Variants in FTO observed in about 807,000 individuals in gnomAD.
FTO encodes the protein FTO alpha-ketoglutarate dependent dioxygenase, also known as alpha-ketoglutarate-dependent dioxygenase FTO.
In FTO, 47 loss-of-function variants were observed where a neutral mutation model predicts 63.9. The ratio of observed to expected loss-of-function variants is 0.74; its 90% CI spans 0.58 to 0.94. The LOEUF is 0.94. Ranked by LOEUF, FTO falls within the 40% of genes least tolerant of loss-of-function variation. The pLI is 0.00. For missense variants in FTO, 562 were observed against 618.1 expected (o/e 0.91, Z 0.96); for synonymous variants, 207 against 224.4 (o/e 0.92, Z 0.69).
chr16:53,979,535 C>CTGTGTGTG (rs57334871), intron 8 of FTO: 20 of 373,254 alleles, frequency 5.4e-5, no homozygotes, highest in Non-Finnish European at 7.5e-5. Flanking sequence ...ATGTTTATGG[C>CTGTGTGTG]TGTGTGTGTG....
At chr16:53,880,735 C>G (rs1294479855) in intron 6 of FTO, among the ~76,000 whole-genome samples, 1 of 152,008 alleles carries the variant, frequency 6.6e-6, no homozygotes, top group African/African-American at 2.4e-5. Flanking sequence ...AGCAGAGCTT[C>G]GTGATCTCTC....
At chr16:54,064,698 C>T (rs561872275) in intron 8 of FTO, among the ~76,000 whole-genome samples, 116 of 152,118 alleles carry the variant, frequency 7.6e-4, no homozygotes, top group Non-Finnish European at 1.4e-3. Context: ...CCACAGCATT[C>T]GATTTTTATT....
At chr16:53,763,989 C>G (rs1294658533) in intron 1 of FTO, among the ~76,000 whole-genome samples, 3 of 152,158 alleles carry the variant, frequency 2.0e-5, no homozygotes, top group Admixed American at 6.5e-5. Context: ...GTCTTTGCCA[C>G]TTAGTTCTTT....
At chr16:53,919,342 C>T (rs2081955391) in intron 7 of FTO, among the ~76,000 whole-genome samples, 1 of 151,984 alleles carries the variant, frequency 6.6e-6, no homozygotes, top group South Asian at 2.1e-4. Context: ...TATCAGCTTA[C>T]CTGATATCAG....
chr16:53,939,323 A>G (rs563640814), intron 8 of FTO, among the ~76,000 whole-genome samples: 44 of 152,308 alleles, frequency 2.9e-4, no homozygotes, highest in African/African-American at 1.0e-3. Context: ...TTGAGAATCA[A>G]TTGTGCTTTT....
intron 1 of FTO, among the ~76,000 whole-genome samples, chr16:53,784,023 T>C (rs1384576641): frequency 6.6e-6 from 1 of 152,130 alleles, no homozygotes; most frequent in Non-Finnish European, 1.5e-5. Context: ...CCTTGGAAAC[T>C]GTATTGAAAA....
intron 8 of FTO, 112 bp from the exon 9 acceptor site, chr16:54,111,650 C>A (rs2086890358): frequency 4.5e-6 from 5 of 1,118,140 alleles, no homozygotes; most frequent in Non-Finnish European, 6.8e-6. Context: ...ATGACCTTCA[C>A]CCCCGAGGAC....
intron 8 of FTO, among the ~76,000 whole-genome samples, chr16:53,938,952 G>A (rs12930001): frequency 6.6e-6 from 1 of 151,312 alleles, no homozygotes; most frequent in African/African-American, 2.4e-5. Flanking sequence ...AAAAAAATTA[G>A]CCGGGCTTGG....
intron 1 of FTO, among the ~76,000 whole-genome samples, chr16:53,722,685 G>A (rs925716506): frequency 7.9e-5 from 12 of 152,030 alleles, no homozygotes; most frequent in African/African-American, 2.4e-4. Flanking sequence ...AAAATTAGCC[G>A]GGTGTGGTGG....
intron 6 of FTO, among the ~76,000 whole-genome samples, chr16:53,885,542 A>G (rs78758816): frequency 0.04 from 6,067 of 152,266 alleles, 354 homozygotes; most frequent in African/African-American, 0.13. Context: ...TGAATTGACA[A>G]GGACATTAAA....
intron 1 of FTO, among the ~76,000 whole-genome samples, chr16:53,796,110 G>C (rs1244031754): frequency 2.0e-5 from 3 of 149,026 alleles, no homozygotes; most frequent in African/African-American, 7.5e-5. Context: ...GTGCAATGGC[G>C]CAATGCTGAC....
At chr16:54,055,890 T>C (rs1396590219) in intron 8 of FTO, among the ~76,000 whole-genome samples, 1 of 152,238 alleles carries the variant, frequency 6.6e-6, no homozygotes, top group African/African-American at 2.4e-5. Context: ...TGGCTTGTTT[T>C]CTGGCTGAAG....
intron 8 of FTO, among the ~76,000 whole-genome samples, chr16:54,087,263 C>G (rs927080537): frequency 6.6e-6 from 1 of 152,194 alleles, no homozygotes. Flanking sequence ...CACTTTGCAT[C>G]TTTGTTGCTT....
chr16:53,731,834 T>A (rs1438927774), intron 1 of FTO, among the ~76,000 whole-genome samples: 1 of 146,790 alleles, frequency 6.8e-6, no homozygotes, highest in East Asian at 2.0e-4. Context: ...TGCAAGCTCC[T>A]CCTCCTGGGT....
chr16:53,963,529 G>T (rs192731441), intron 8 of FTO, among the ~76,000 whole-genome samples: 20 of 152,284 alleles, frequency 1.3e-4, no homozygotes, highest in African/African-American at 4.6e-4. Flanking sequence ...GAATGGTTTA[G>T]CACCGTCCAC....
chr16:54,005,146 T>C (rs1173205354), intron 8 of FTO, among the ~76,000 whole-genome samples: 5 of 149,488 alleles, frequency 3.3e-5, no homozygotes, highest in African/African-American at 1.2e-4. Flanking sequence ...CAGCGCCAGG[T>C]TTCTTGTCTT....
chr16:53,947,288 C>T (rs190608315), intron 8 of FTO, among the ~76,000 whole-genome samples: 9 of 152,276 alleles, frequency 5.9e-5, no homozygotes, highest in African/African-American at 2.2e-4. Flanking sequence ...GCAGGCAGCG[C>T]AGGTGGATGG....
At chr16:53,959,201 G>A (rs922093057) in intron 8 of FTO, among the ~76,000 whole-genome samples, 6 of 152,180 alleles carry the variant, frequency 3.9e-5, no homozygotes, top group Admixed American at 3.9e-4. Flanking sequence ...AGGCTGGGAG[G>A]CAGGGGAGCT....
intron 5 of FTO, among the ~76,000 whole-genome samples, chr16:53,878,628 G>T (rs1357044240): frequency 6.6e-6 from 1 of 152,094 alleles, no homozygotes; most frequent in Admixed American, 6.6e-5. Flanking sequence ...AATATTTTAG[G>T]GATACATTTT....
Sources: allele counts gnomAD v4.1 joint callset (sites outside exome capture counted in the v4.1 genomes callset), GRCh38; gene constraint gnomAD v4.1.1; transcripts MANE v1.5; gene names NCBI Gene and HGNC (gene_info 2026-07-23, HGNC 2026-07-21).